CFAP44: variants seen among roughly 807,000 people sequenced by gnomAD.
The protein encoded by CFAP44 is cilia and flagella associated protein 44.
In CFAP44, 134 loss-of-function variants were observed where a neutral mutation model predicts 216.2. That is an observed-to-expected ratio of 0.62 (90% CI 0.54 to 0.72). CFAP44 has a LOEUF of 0.72. CFAP44 is among the 30% of genes least tolerant of loss of function. The pLI is 0.00. For synonymous variants in CFAP44, 700 were observed against 727.6 expected (o/e 0.96, Z 0.61); for missense variants, 2,035 against 2,182.1 (o/e 0.93, Z 1.34).
intron 15 of CFAP44, among the ~76,000 whole-genome samples, chr3:113,394,962 T>C (rs1427401483): frequency 2.0e-5 from 3 of 152,240 alleles, no homozygotes; most frequent in Admixed American, 6.5e-5. Context: ...TTGTACTGCT[T>C]ATTTAATCCA....
chr3:113,330,742 T>G (rs772608276), intron 25 of CFAP44, 74 bp from the exon 26 acceptor site: 83 of 1,433,680 alleles, frequency 5.8e-5, no homozygotes, highest in Non-Finnish European at 6.9e-5. Flanking sequence ...GATCTGCTCT[T>G]TTCTGTTGCT....
intron 2 of CFAP44, among the ~76,000 whole-genome samples, chr3:113,428,428 G>A (rs1935019505): frequency 6.6e-6 from 1 of 152,176 alleles, no homozygotes; most frequent in African/African-American, 2.4e-5. Flanking sequence ...GTTAGGGGAA[G>A]AAAACTAATT....
chr3:113,334,971 G>C (rs539411029), intron 24 of CFAP44, among the ~76,000 whole-genome samples: 4 of 152,006 alleles, frequency 2.6e-5, no homozygotes, highest in Non-Finnish European at 5.9e-5. Flanking sequence ...TGTATTAACT[G>C]ATAATCATTT....
chr3:113,296,898 A>C lies in CFAP44; in HGVS notation c.5078-13T>G, dbSNP rs564766641. Reference sequence around the variant, plus strand: ...GTTTCCTCCATTTCTAAAAGAAGACAGTCACTGGCTCAGGTTGTTCAATGG... The same window carrying C: ...GTTTCCTCCATTTCTAAAAGAAGACCGTCACTGGCTCAGGTTGTTCAATGG... On this transcript the variant is annotated splice_polypyrimidine_tract_variant and intron_variant, in intron 32 of 34. Transcript: ENST00000393845. 1.9e-5 allele frequency: 29 copies of C among 1,537,258 alleles called. No homozygotes were observed. In the African/African-American group the frequency reaches 3.7e-4, roughly 20 times the overall value.
In CFAP44 at chr3:113,304,115, T is replaced by C. The variant is rs1949963063; in HGVS notation, c.4878A>G (p.Ile1626Met). 7.2e-6 allele frequency: 11 copies of C among 1,535,240 alleles called. No individual in the cohort carries two copies. Among genetic ancestry groups the C allele is most frequent in the Non-Finnish European group, 9.6e-6 (11 of 1,145,974 alleles). ...GTATTTCTCCAAATACCACATACTC[T>C]ATCTACAAGCATAAAACAAATCAAA... ...LVVIPLKLHQIEYVVFGEIPS... is the reference protein window; with the variant it reads ...LVVIPLKLHQMEYVVFGEIPS... Residue 1626 changes from isoleucine to methionine, a missense_variant and splice_region_variant, in exon 32 of 35, where the codon ATA becomes ATG. By Grantham distance (10) the Ile-to-Met change is conservative (BLOSUM62 1). Around this residue, in one of 3 missense-constraint regions of CFAP44, gnomAD observed 1,883 missense variants for 2,023.7 expected, o/e 0.93. Transcript: ENST00000393845.
intron 26 of CFAP44, 41 bp from the exon 27 acceptor site, chr3:113,327,860 G>GATAA (rs1950201574): frequency 1.3e-6 from 2 of 1,509,490 alleles, no homozygotes; most frequent in Non-Finnish European, 1.8e-6. Context: ...TAGAAGACTA[G>GATAA]ATAAATGCAT....
rs760281357 is a variant in CFAP44, at chr3:113,298,627, T to C, written c.5078-1742A>G. Among the ~76,000 whole-genome samples the C allele has an allele frequency of 6.0e-4, 92 of 152,364 alleles. 1 individual carries two copies. Among genetic ancestry groups the C allele is most frequent in the East Asian group, 1.7e-3 (9 of 5,190 alleles). On this transcript the variant is annotated intron_variant, in intron 32 of 34. Coordinates refer to ENST00000393845, the MANE Select transcript of CFAP44 (RefSeq NM_001164496.2). ...ATAAATGTGTAAACAAAATGTGGCA[T>C]GTACATATAATGGAATATTATTTGC... is the stretch of plus-strand genomic sequence containing the variant.
At chr3:113,401,396 C>T (rs1281710208) in intron 10 of CFAP44, 109 bp from the exon 11 acceptor site, 5 of 1,208,766 alleles carry the variant, frequency 4.1e-6, no homozygotes, top group African/African-American at 1.6e-5. Flanking sequence ...ATATCAAAAG[C>T]TCACATATAT....
chr3:113,402,094 C>T (rs1211811345), intron 9 of CFAP44, among the ~76,000 whole-genome samples: 2 of 152,144 alleles, frequency 1.3e-5, no homozygotes, highest in Non-Finnish European at 2.9e-5. Context: ...TTCAGCAAGA[C>T]ATTATAATGA....
At chr3:113,424,163 C>A (rs180973192) in intron 4 of CFAP44, among the ~76,000 whole-genome samples, 2 of 152,156 alleles carry the variant, frequency 1.3e-5, no homozygotes, top group Non-Finnish European at 2.9e-5. Context: ...GAGGGCTAGG[C>A]GCGGTGGCTC....
At chr3:113,359,268 A>G (rs1950517251) in intron 21 of CFAP44, among the ~76,000 whole-genome samples, 1 of 152,190 alleles carries the variant, frequency 6.6e-6, no homozygotes, top group Non-Finnish European at 1.5e-5. Flanking sequence ...CCCACCCAGG[A>G]AAGATAGCAG....
chr3:113,436,439 G>T (rs1186804692), intron 1 of CFAP44, among the ~76,000 whole-genome samples: 1 of 152,136 alleles, frequency 6.6e-6, no homozygotes, highest in Non-Finnish European at 1.5e-5. Flanking sequence ...GGATACAAAG[G>T]TGAGCAATAT....
chr3:113,389,993 T>C lies in CFAP44; in HGVS notation c.1890+5757A>G, dbSNP rs368150514. ...GGAGAAGGGAATACTTCCAAACTCA[T>C]TCAACAAGGCCAGTACTACCCTAAT... On this transcript the variant is annotated intron_variant, in intron 15 of 34. Transcript: ENST00000393845. 2.2e-3 allele frequency among the ~76,000 whole-genome samples: 339 copies of C among 152,232 alleles called. 2 individuals carry two copies. The highest frequency in any genetic ancestry group is 7.8e-3 in the African/African-American group (323 of 41,536).
intron 8 of CFAP44, among the ~76,000 whole-genome samples, chr3:113,405,676 T>C (rs1008234715): frequency 4.6e-5 from 7 of 152,250 alleles, no homozygotes; most frequent in Non-Finnish European, 7.3e-5. Flanking sequence ...TTATTTCTAA[T>C]GCTAAACATT....
intron 15 of CFAP44, among the ~76,000 whole-genome samples, chr3:113,386,022 T>C: frequency 6.6e-6 from 1 of 152,204 alleles, no homozygotes; most frequent in East Asian, 1.9e-4. Context: ...TATCATTGTA[T>C]TACTGTCTAT....
At chr3:113,413,620 A>T (rs777217148) in intron 6 of CFAP44, among the ~76,000 whole-genome samples, 19 of 152,218 alleles carry the variant, frequency 1.2e-4, no homozygotes, top group Non-Finnish European at 2.6e-4. Context: ...CACTTACTGA[A>T]TAGGAAATCC....
chr3:113,326,313 T>G (rs1950189121), intron 28 of CFAP44, 132 bp downstream of exon 28: 1 of 769,064 alleles, frequency 1.3e-6, no homozygotes, highest in African/African-American at 1.8e-5. Flanking sequence ...TTCTCCTCTT[T>G]AGCCCCCACA....
chr3:113,437,787 T>G (rs1448131664), intron 1 of CFAP44, among the ~76,000 whole-genome samples: 5 of 151,154 alleles, frequency 3.3e-5, no homozygotes, highest in South Asian at 4.1e-4. Flanking sequence ...TTTGGTTTTT[T>G]GGGGTTTTGT....
intron 15 of CFAP44, among the ~76,000 whole-genome samples, chr3:113,381,796 T>C (rs1158411283): frequency 6.6e-6 from 1 of 152,198 alleles, no homozygotes; most frequent in Non-Finnish European, 1.5e-5. Flanking sequence ...TCTTAAGTGG[T>C]AGGGATAAAT....
Sources: gnomAD v4.1 joint callset for allele counts (sites outside exome capture counted in the v4.1 genomes callset) on GRCh38, gnomAD v4.1.1 for gene constraint, gnomAD v4.1.1 regional missense constraint, MANE v1.5 for transcripts, NCBI Gene and HGNC (gene_info 2026-07-23, HGNC 2026-07-21) for gene names.